TSBP1: variants seen among roughly 807,000 people sequenced by gnomAD.
TSBP1 encodes testis expressed basic protein 1, also known as testis-expressed basic protein 1.
A neutral mutation model predicts 68.8 loss-of-function variants in TSBP1; 56 were observed. That is an observed-to-expected ratio of 0.81 (90% CI 0.66 to 1.02). TSBP1 has a LOEUF of 1.02. Ranked by LOEUF, TSBP1 falls within the 50% of genes least tolerant of loss-of-function variation. The pLI, the probability that TSBP1 is intolerant of heterozygous loss-of-function variation, is 0.00. For synonymous variants in TSBP1, 171 were observed against 208.7 expected (o/e 0.82, Z 1.56); for missense variants, 502 against 641.2 (o/e 0.78, Z 2.34).
chr6:32,295,310 T>C (rs142835620), intron 22 of TSBP1, among the ~76,000 whole-genome samples: 6,880 of 131,498 alleles, frequency 0.052, 379 homozygotes, highest in African/African-American at 0.14. Context: ...CACTCCAGTC[T>C]AGGTGACAGA....
At chr6:32,308,405 C>T (rs1027321765) in intron 19 of TSBP1, among the ~76,000 whole-genome samples, 7 of 150,590 alleles carry the variant, frequency 4.6e-5, no homozygotes, top group African/African-American at 1.5e-4. Context: ...GAGACCATCC[C>T]GGCTAAAACG....
rs1768155443 is a variant in TSBP1 at position 32,325,807 on chromosome 6, G to T, written c.515-2193C>A. 1 of 1,258,004 alleles carries T rather than the reference G, an allele frequency of 7.9e-7. No individual in the cohort carries two copies. Among genetic ancestry groups the T allele is most frequent in the Non-Finnish European group, 1.1e-6 (1 of 870,582 alleles). 77.9% of individuals were successfully genotyped at this position (1,258,004 alleles called of 1,614,324 possible). A position where few individuals can be genotyped will look rare whatever the true frequency, so the allele number is the denominator to read the frequency against. On this transcript the variant is annotated intron_variant, in intron 16 of 22. Coordinates refer to ENST00000612031, the Ensembl canonical transcript of TSBP1. The surrounding 1 kb of genome is among the most constrained non-coding windows in gnomAD (Gnocchi z 4.4). ...TCCATCCAGCCGAAGAGGTCGAAGT[G>T]GTTCTGGAAACTTAGGTGGTGGTCA...
Position 32,333,946 on chromosome 6 carries a change from GT to G in TSBP1, c.472+1490del. The G allele has an allele frequency of 4.0e-6, 1 of 251,236 alleles. No individual in the cohort carries two copies. Among genetic ancestry groups the G allele is most frequent in the Non-Finnish European group, 8.3e-6 (1 of 120,396 alleles). The allele number at this position is 251,236 out of a possible 1,614,324, so 15.6% of individuals were successfully genotyped here. A position where few individuals can be genotyped will look rare whatever the true frequency, so the allele number is the denominator to read the frequency against. Reference sequence around the variant, plus strand: ...ACCCTTGGCTATGAGCAGTAAACCAGTTACACATTTAGATATTATGCTAACT... The same window carrying G: ...ACCCTTGGCTATGAGCAGTAAACCAGTACACATTTAGATATTATGCTAACT... On this transcript the variant is annotated intron_variant, in intron 14 of 22. Coordinates refer to ENST00000612031, the Ensembl canonical transcript of TSBP1. This position sits in a 1 kb window ranked among gnomAD's most constrained non-coding sequence, Gnocchi z 4.2.
intron 8 of TSBP1, among the ~76,000 whole-genome samples, chr6:32,353,385 A>G (rs2127635480): frequency 6.6e-6 from 1 of 152,116 alleles, no homozygotes; most frequent in East Asian, 1.9e-4. Flanking sequence ...TAATGCAGCA[A>G]AAGACATGCA....
At chr6:32,311,849 T>G (rs1384635783) in intron 19 of TSBP1, among the ~76,000 whole-genome samples, 1 of 152,198 alleles carries the variant, frequency 6.6e-6, no homozygotes, top group East Asian at 1.9e-4. Flanking sequence ...TGATTTGTTT[T>G]GTGCCTATCT....
At chr6:32,360,400 G>T (rs12197728) in intron 6 of TSBP1, among the ~76,000 whole-genome samples, 1 of 138,278 alleles carries the variant, frequency 7.2e-6, no homozygotes, top group Non-Finnish European at 1.6e-5. Flanking sequence ...GTGTGTGTGT[G>T]TATGTGTGTG....
chr6:32,318,376 A>G (rs1767200147), intron 18 of TSBP1, among the ~76,000 whole-genome samples: 1 of 152,214 alleles, frequency 6.6e-6, no homozygotes, highest in Non-Finnish European at 1.5e-5. Flanking sequence ...TGATGAAATA[A>G]TCTGTACAAC....
At chr6:32,299,803 G>A in intron 22 of TSBP1, 119 bp downstream of exon 25, 1 of 799,446 alleles carries the variant, frequency 1.3e-6, no homozygotes, top group South Asian at 1.5e-5. Flanking sequence ...CTGGAAGATA[G>A]GAACATTCAA....
intron 22 of TSBP1, 67 bp downstream of exon 25, chr6:32,299,855 C>A: frequency 1.5e-6 from 2 of 1,319,968 alleles, no homozygotes; most frequent in Non-Finnish European, 2.2e-6. Flanking sequence ...GGAGTAGAAA[C>A]AGACAGGTCA....
chr6:32,296,276 G>A (rs1764717046), intron 22 of TSBP1, among the ~76,000 whole-genome samples: 1 of 152,216 alleles, frequency 6.6e-6, no homozygotes, highest in Non-Finnish European at 1.5e-5. Context: ...AGGCACACCT[G>A]TATTAGATAA....
chr6:32,349,195 C>CT lies in TSBP1; in HGVS notation c.349+544dup, dbSNP rs9279592. On this transcript the variant is annotated intron_variant, in intron 9 of 22. Transcript: ENST00000612031. ...TGGCTCAAAAACTATCCATTTCTTTCTTTTTTTTTTTTTTTTTGCAGGGGA... is the reference window on the plus strand; with the variant it reads ...TGGCTCAAAAACTATCCATTTCTTTCTTTTTTTTTTTTTTTTTTGCAGGGGA... 6.1e-3 allele frequency among the ~76,000 whole-genome samples: 824 copies of CT among 134,392 alleles called. 13 individuals carry two copies. The highest frequency in any genetic ancestry group is 0.035 in the East Asian group (166 of 4,722). The allele number at this position is 134,392 out of a possible 152,430, so 88.2% of individuals were successfully genotyped here.
chr6:32,298,068 C>T (rs2127559696), intron 22 of TSBP1, among the ~76,000 whole-genome samples: 1 of 152,182 alleles, frequency 6.6e-6, no homozygotes, highest in Admixed American at 6.5e-5. Flanking sequence ...GAGACTTGGC[C>T]TGTGATCCCT....
chr6:32,328,254 G>T (rs1246091799), intron 16 of TSBP1, among the ~76,000 whole-genome samples: 4 of 150,748 alleles, frequency 2.7e-5, no homozygotes, highest in African/African-American at 9.8e-5. Flanking sequence ...ATTTTTTTTT[G>T]TGTGTGTTTT....
chr6:32,310,468 T>C (rs962881234), intron 19 of TSBP1, among the ~76,000 whole-genome samples: 1 of 151,948 alleles, frequency 6.6e-6, no homozygotes, highest in African/African-American at 2.4e-5. Context: ...TTCTTTTTCA[T>C]ATTTTCAATA....
At chr6:32,354,545 T>C (rs1015474883) in intron 8 of TSBP1, among the ~76,000 whole-genome samples, 5 of 152,158 alleles carry the variant, frequency 3.3e-5, no homozygotes, top group Non-Finnish European at 7.4e-5. Context: ...TAAATGCTCA[T>C]ATACAATGTG....
chr6:32,318,078 A>G (rs947001604), intron 18 of TSBP1, among the ~76,000 whole-genome samples: 1 of 152,212 alleles, frequency 6.6e-6, no homozygotes, highest in Non-Finnish European at 1.5e-5. Flanking sequence ...TAGACTGGAT[A>G]AATAAAATGT....
At chr6:32,366,070 T>TTC (rs1046629772) in intron 6 of TSBP1, 97 bp downstream of exon 6, 3 of 1,521,742 alleles carry the variant, frequency 2.0e-6, no homozygotes, top group Non-Finnish European at 2.7e-6. Context: ...TTTCTTCTTC[T>TTC]TTTTTAAATT....
At chr6:32,307,160 A>C (rs1328149272) in intron 19 of TSBP1, among the ~76,000 whole-genome samples, 1 of 151,940 alleles carries the variant, frequency 6.6e-6, no homozygotes, top group Non-Finnish European at 1.5e-5. Context: ...TTAGTTCATC[A>C]ATTTTTATTA....
Position 32,323,102 on chromosome 6 carries a change from A to G in TSBP1, c.559+15T>C. ...CCATAGAGAACCAAAGAAGAAAAAG[A>G]GATGTTATACTTACTTATGGGTGCC... On this transcript the variant is annotated intron_variant, in intron 18 of 22. Transcript: ENST00000612031. The G allele has an allele frequency of 1.3e-6, 2 of 1,564,682 alleles. No homozygotes were observed. Among genetic ancestry groups the G allele is most frequent in the Non-Finnish European group, 1.8e-6 (2 of 1,141,586 alleles).
Sources: gnomAD v4.1 joint callset for allele counts (sites outside exome capture counted in the v4.1 genomes callset) on GRCh38, gnomAD v4.1.1 for gene constraint, Gnocchi (gnomAD v3.1) non-coding constraint, MANE v1.5 for transcripts, NCBI Gene and HGNC (gene_info 2026-07-23, HGNC 2026-07-21) for gene names.